Variants in EDA observed in about 807,000 individuals in gnomAD.
EDA encodes ectodysplasin-A.
In EDA, 2 loss-of-function variants were observed where a neutral mutation model predicts 23.6. The ratio of observed to expected loss-of-function variants is 0.08; its 90% CI spans 0.03 to 0.27. EDA has a LOEUF of 0.27. Ranked by LOEUF, EDA falls within the 10% of genes least tolerant of loss-of-function variation. The pLI is 1.00. For synonymous variants in EDA, 131 were observed against 132.0 expected (o/e 0.99, Z 0.05); for missense variants, 229 against 324.2 (o/e 0.71, Z 2.26).
At chrX:69,764,871 A>G (rs2014424483) in intron 1 of EDA, among the ~76,000 whole-genome samples, 1 of 111,484 alleles carries the variant, frequency 9.0e-6, no homozygotes, top group South Asian at 3.8e-4. Flanking sequence ...ATCCCAGGGT[A>G]TTTATAATCT....
chrX:69,774,062 C>T (rs991658480), intron 1 of EDA, among the ~76,000 whole-genome samples: 1 of 111,780 alleles, frequency 8.9e-6, no homozygotes, highest in African/African-American at 3.2e-5. Context: ...TTCCCTACTC[C>T]CAAGGCAACA....
rs964443990 is a variant in EDA at position 70,037,813 on chromosome X, A to C, written c.*2204A>C. On this transcript the variant is annotated 3_prime_UTR_variant, in exon 8 of 8. Coordinates refer to ENST00000374552, the MANE Select transcript of EDA (RefSeq NM_001399.5). ...CAAAAAGAGTCAGACATTTCTTTGG[A>C]AAACAGCGAACAGCCTTAGAGCTCT... 27 of 112,009 alleles carry C rather than the reference A, an allele frequency of 2.4e-4. No homozygotes were observed. The highest frequency in any genetic ancestry group is 8.1e-4 in the African/African-American group (25 of 30,766). The allele number at this position is 112,009 out of a possible 1,213,427, so 9.2% of individuals were successfully genotyped here. A position where few individuals can be genotyped will look rare whatever the true frequency, so the allele number is the denominator to read the frequency against.
chrX:69,626,669 G>A, intron 1 of EDA, among the ~76,000 whole-genome samples: 1 of 111,221 alleles, frequency 9.0e-6, no homozygotes, highest in Non-Finnish European at 1.9e-5. Flanking sequence ...CTGAATATGG[G>A]CATAAGGGCA....
chrX:69,961,550 A>G (rs945777926), intron 2 of EDA, among the ~76,000 whole-genome samples: 18 of 112,016 alleles, frequency 1.6e-4, no homozygotes, highest in African/African-American at 5.2e-4. Context: ...TCCAGGGTAT[A>G]TACAATCTTT....
At chrX:69,753,732 G>A (rs976317154) in intron 1 of EDA, among the ~76,000 whole-genome samples, 3 of 111,470 alleles carry the variant, frequency 2.7e-5, no homozygotes, top group Non-Finnish European at 5.6e-5. Context: ...GGTCTCTAAG[G>A]TCTTGCTTTA....
intron 1 of EDA, among the ~76,000 whole-genome samples, chrX:69,760,959 C>T: frequency 9.0e-6 from 1 of 110,925 alleles, no homozygotes; most frequent in Non-Finnish European, 1.9e-5. Context: ...ACTGGGAAGC[C>T]AGTGAAGTTT....
chrX:69,886,928 A>C (rs1311246664), intron 1 of EDA, among the ~76,000 whole-genome samples: 1 of 112,224 alleles, frequency 8.9e-6, no homozygotes, highest in African/African-American at 3.2e-5. Context: ...ATACATGGAC[A>C]TCAATGCAAA....
chrX:69,855,870 A>AT (rs1254233938), intron 1 of EDA, among the ~76,000 whole-genome samples: 2 of 110,822 alleles, frequency 1.8e-5, no homozygotes, highest in Admixed American at 9.6e-5. Flanking sequence ...ATGGTAGTTT[A>AT]TTTTTTTGCT....
intron 1 of EDA, among the ~76,000 whole-genome samples, chrX:69,759,665 GGAATGA>G (rs2014237844): frequency 9.0e-6 from 1 of 111,392 alleles, no homozygotes. Context: ...GGTACAATAT[GGAATGA>G]GAACAATAAG....
Position 69,649,710 on chromosome X carries a change from C to T in EDA, c.396+33006C>T, listed in dbSNP as rs1398016849. Among the ~76,000 whole-genome samples, 50 of 110,087 alleles carry T rather than the reference C, an allele frequency of 4.5e-4. 2 individuals carry two copies. The highest frequency in any genetic ancestry group is 1.9e-5 in the Non-Finnish European group (1 of 52,754). Reference sequence around the variant, plus strand: ...CAAGCGATTCTCCTGTCTCAGCCTCCAGAGTAGCTGGGATTGCAGGCATGC... The same window carrying T: ...CAAGCGATTCTCCTGTCTCAGCCTCTAGAGTAGCTGGGATTGCAGGCATGC... On this transcript the variant is annotated intron_variant, in intron 1 of 7. Coordinates refer to ENST00000374552, the MANE Select transcript of EDA (RefSeq NM_001399.5).
Position 69,918,369 on chromosome X carries a change from C to G in EDA, c.397-38658C>G, listed in dbSNP as rs1018935592. Among the ~76,000 whole-genome samples the G allele has an allele frequency of 2.4e-4, 27 of 110,570 alleles. 1 individual carries two copies. Among genetic ancestry groups the G allele is most frequent in the African/African-American group, 8.5e-4 (26 of 30,463 alleles). On this transcript the variant is annotated intron_variant, in intron 1 of 7. Coordinates refer to ENST00000374552, the MANE Select transcript of EDA (RefSeq NM_001399.5). ...ATGGGGTTTCGCCATATTGGCCAGGCAGGTCTCCAACTCCTGACCTCAAGT... is the reference window on the plus strand; with the variant it reads ...ATGGGGTTTCGCCATATTGGCCAGGGAGGTCTCCAACTCCTGACCTCAAGT...
intron 1 of EDA, among the ~76,000 whole-genome samples, chrX:69,828,316 G>C (rs1480931274): frequency 8.9e-6 from 1 of 112,238 alleles, no homozygotes; most frequent in Non-Finnish European, 1.9e-5. Flanking sequence ...CCGCCTTGCA[G>C]TTTGATCTCA....
At chrX:69,760,197 C>CAAAAAAAAAA (rs1162014486) in intron 1 of EDA, among the ~76,000 whole-genome samples, 18 of 46,515 alleles carry the variant, frequency 3.9e-4, no homozygotes, top group African/African-American at 4.4e-4. Context: ...CTCTTTTGTA[C>CAAAAAAAAAA]AAAAAAAAAA....
chrX:69,914,458 AC>A (rs1335911188), intron 1 of EDA, among the ~76,000 whole-genome samples: 1 of 111,925 alleles, frequency 8.9e-6, no homozygotes, highest in Non-Finnish European at 1.9e-5. Context: ...TCCACATGTT[AC>A]TTTTTATAAT....
intron 1 of EDA, among the ~76,000 whole-genome samples, chrX:69,698,661 A>AT (rs1428571667): frequency 3.6e-5 from 4 of 110,594 alleles, no homozygotes; most frequent in Non-Finnish European, 7.6e-5. Flanking sequence ...CAAAAGAGAG[A>AT]TTTTTTTTGT....
At chrX:69,967,636 G>T (rs1177270612) in intron 2 of EDA, among the ~76,000 whole-genome samples, 2 of 112,107 alleles carry the variant, frequency 1.8e-5, no homozygotes, top group Admixed American at 1.9e-4. Flanking sequence ...AGAAAAGAAG[G>T]AGGGGGAGGA....
Position 69,953,969 on chromosome X carries a change from T to C in EDA, c.397-3058T>C, listed in dbSNP as rs373939945. On this transcript the variant is annotated intron_variant, in intron 1 of 7. Coordinates refer to ENST00000374552, the MANE Select transcript of EDA (RefSeq NM_001399.5). ...GATTTGTCTTGAGTTTGGTGGTAGT[T>C]ACAAAAGCGTGTATATTTATCAAAT... 3.6e-5 allele frequency among the ~76,000 whole-genome samples: 4 copies of C among 111,778 alleles called. No homozygotes were observed. The East Asian group carries it at 8.4e-4, about 24-fold the overall frequency.
intron 1 of EDA, among the ~76,000 whole-genome samples, chrX:69,851,157 TTGTGTGTGTG>T (rs57593985): frequency 9.8e-6 from 1 of 101,899 alleles, no homozygotes; most frequent in East Asian, 3.2e-4. Flanking sequence ...GATCAAGGGT[TTGTGTGTGTG>T]TGTGTGTGTG....
chrX:69,980,063 C>T (rs1027547948), intron 2 of EDA, among the ~76,000 whole-genome samples: 2 of 111,324 alleles, frequency 1.8e-5, no homozygotes. Context: ...TTATATCAGT[C>T]ACAACTCAAG....
Sources: allele counts gnomAD v4.1 joint callset (sites outside exome capture counted in the v4.1 genomes callset), GRCh38; gene constraint gnomAD v4.1.1; transcripts MANE v1.5; gene names NCBI Gene and HGNC (gene_info 2026-07-23, HGNC 2026-07-21).